Variants in MGAM observed in about 807,000 individuals in gnomAD.
The protein encoded by MGAM is maltase-glucoamylase.
Under a neutral mutation model 358.8 loss-of-function variants are expected in MGAM, and 253 were observed. The observed-to-expected ratio is 0.71, with a 90% CI of 0.64 to 0.78. MGAM has a LOEUF of 0.78. MGAM is among the 30% of genes least tolerant of loss of function. The pLI is 0.00. For missense variants in MGAM, 3,080 were observed against 3,432.6 expected, an observed-to-expected ratio of 0.90 and a Z score of 2.57; for synonymous variants, 1,105 against 1,227.1, an observed-to-expected ratio of 0.90 and a Z score of 2.08.
rs138807287 is a variant in MGAM at position 142,090,371 on chromosome 7, C to T, written c.6811-1542C>T. ...ATTCTCCATCCCCCACCCATCCCGTCGTTTCTAACCCTTCCTGATCTGGAG... is the reference window on the plus strand; with the variant it reads ...ATTCTCCATCCCCCACCCATCCCGTTGTTTCTAACCCTTCCTGATCTGGAG... On this transcript the variant is annotated intron_variant, in intron 57 of 70. Coordinates refer to ENST00000475668, the MANE Select transcript of MGAM (RefSeq NM_001365693.1). Among the ~76,000 whole-genome samples, 909 of 145,534 alleles carry T rather than the reference C, an allele frequency of 6.2e-3. 128 individuals carry two copies. The highest frequency in any genetic ancestry group is 0.01 in the Non-Finnish European group (662 of 64,234).
At position 142,101,671 on chromosome 7, in the gene MGAM, C is replaced by T. The variant is rs535912540; in HGVS notation, c.7963+781C>T. On this transcript the variant is annotated intron_variant, in intron 68 of 70. Transcript: ENST00000475668. Reference sequence around the variant, plus strand: ...CTGTAATCCCAGCACTTTGAGAGGCCGAGGCAGCCGGATCACCTGAGGTTG... The same window carrying T: ...CTGTAATCCCAGCACTTTGAGAGGCTGAGGCAGCCGGATCACCTGAGGTTG... Among the ~76,000 whole-genome samples, 251 of 151,270 alleles carry T rather than the reference C, an allele frequency of 1.7e-3. 2 individuals are homozygous for T. The highest frequency in any genetic ancestry group is 2.7e-3 in the Non-Finnish European group (185 of 67,832).
Position 142,054,387 on chromosome 7 carries a change from T to A in MGAM, c.3160-367T>A, listed in dbSNP as rs151299523. Reference sequence around the variant, plus strand: ...TTCTGATTATTTTAATCAAATAGATTTCATTTTGGGGAGACAGGTTTTTTT... The same window carrying A: ...TTCTGATTATTTTAATCAAATAGATATCATTTTGGGGAGACAGGTTTTTTT... On this transcript the variant is annotated intron_variant, in intron 26 of 70. Coordinates refer to ENST00000475668, the MANE Select transcript of MGAM (RefSeq NM_001365693.1). Among the ~76,000 whole-genome samples the A allele has an allele frequency of 3.0e-3, 458 of 152,316 alleles. 7 individuals carry two copies. Among genetic ancestry groups the A allele is most frequent in the African/African-American group, 0.01 (421 of 41,570 alleles).
intron 70 of MGAM, among the ~76,000 whole-genome samples, chr7:142,105,397 C>T (rs546310097): frequency 3.9e-5 from 6 of 152,060 alleles, no homozygotes; most frequent in African/African-American, 1.2e-4. Flanking sequence ...AAGTGATTCT[C>T]CTGGCTTAGC....
At chr7:142,049,189 T>A (rs1272738327) in intron 22 of MGAM, among the ~76,000 whole-genome samples, 1 of 152,184 alleles carries the variant, frequency 6.6e-6, no homozygotes, top group Non-Finnish European at 1.5e-5. Flanking sequence ...ATGGCAGAAT[T>A]TTCTTCTTTT....
intron 3 of MGAM, among the ~76,000 whole-genome samples, chr7:142,012,239 G>A (rs1554454594): frequency 6.6e-6 from 1 of 152,118 alleles, no homozygotes; most frequent in East Asian, 1.9e-4. Flanking sequence ...CCAAGACTGA[G>A]TAATTTATCA....
rs1437154462 is a variant in MGAM at position 142,082,762 on chromosome 7, C to T, written c.6268+191C>T. Among the ~76,000 whole-genome samples, 5 of 146,110 alleles carry T rather than the reference C, an allele frequency of 3.4e-5. 2 individuals are homozygous for T. Among genetic ancestry groups the T allele is most frequent in the Non-Finnish European group, 7.8e-5 (5 of 64,440 alleles). On this transcript the variant is annotated intron_variant, in intron 52 of 70. Coordinates refer to ENST00000475668, the MANE Select transcript of MGAM (RefSeq NM_001365693.1). ...TATCATGTGATAAGAAGATTTAACCCAACTCTTATTTTGGTAAAAATCACA... is the reference window on the plus strand; with the variant it reads ...TATCATGTGATAAGAAGATTTAACCTAACTCTTATTTTGGTAAAAATCACA...
At chr7:142,053,054 T>C in intron 26 of MGAM, 70 bp downstream of exon 26, 2 of 1,496,152 alleles carry the variant, frequency 1.3e-6, no homozygotes, top group Non-Finnish European at 1.8e-6. Flanking sequence ...TTGGTCTGGA[T>C]CACAGAACCC....
intron 32 of MGAM, 39 bp from the exon 33 acceptor site, chr7:142,059,817 G>T (rs1474547945): frequency 2.5e-6 from 4 of 1,586,390 alleles, no homozygotes; most frequent in Non-Finnish European, 3.4e-6. Flanking sequence ...CTCATTCTCT[G>T]GCTTTGGTTT....
intron 2 of MGAM, 33 bp from the exon 3 acceptor site, chr7:142,008,473 C>A: frequency 2.6e-6 from 4 of 1,565,880 alleles, no homozygotes; most frequent in Non-Finnish European, 2.6e-6. Flanking sequence ...TTAAATTTGT[C>A]TAATGGTCTT....
At chr7:141,989,876 C>T (rs190652661) in intron 2 of MGAM, among the ~76,000 whole-genome samples, 3 of 152,148 alleles carry the variant, frequency 2.0e-5, no homozygotes, top group East Asian at 3.9e-4. Context: ...CCTAATCCAC[C>T]CATAGTTAAT....
At chr7:142,099,305 G>A (rs1816235668) in intron 66 of MGAM, among the ~76,000 whole-genome samples, 1 of 152,164 alleles carries the variant, frequency 6.6e-6, no homozygotes, top group Non-Finnish European at 1.5e-5. Context: ...TTGAGAACAT[G>A]TAGGATGGAA....
chr7:141,990,732 C>T (rs1803909441), intron 2 of MGAM, among the ~76,000 whole-genome samples: 1 of 151,810 alleles, frequency 6.6e-6, no homozygotes, highest in Non-Finnish European at 1.5e-5. Context: ...GCACAATGTG[C>T]AGGTTAGTTA....
Position 142,101,594 on chromosome 7 carries a change from G to C in MGAM, c.7963+704G>C, listed in dbSNP as rs76343617. Among the ~76,000 whole-genome samples the C allele has an allele frequency of 8.1e-3, 1,227 of 151,966 alleles. 30 individuals are homozygous for C. Among genetic ancestry groups the C allele is most frequent in the East Asian group, 0.031 (162 of 5,172 alleles). ...GGGATAGCCAGTGGCAACTGACTGA[G>C]TGGTGAGTCATTTAGAAAAGGGCCA... On this transcript the variant is annotated intron_variant, in intron 68 of 70. Transcript: ENST00000475668.
intron 3 of MGAM, among the ~76,000 whole-genome samples, chr7:142,009,109 T>C (rs1359399720): frequency 1.3e-5 from 2 of 152,162 alleles, no homozygotes; most frequent in African/African-American, 4.8e-5. Context: ...TGTATGTCTC[T>C]CCTCCTTTCA....
intron 2 of MGAM, among the ~76,000 whole-genome samples, 159 bp downstream of exon 2, chr7:142,005,816 T>G (rs1351351181): frequency 2.0e-5 from 3 of 152,054 alleles, no homozygotes; most frequent in African/African-American, 7.2e-5. Context: ...GCTCAGTAGA[T>G]ATTCATTGTA....
chr7:142,021,834 T>C, intron 6 of MGAM, 97 bp downstream of exon 6: 2 of 1,316,972 alleles, frequency 1.5e-6, no homozygotes, highest in South Asian at 1.3e-5. Flanking sequence ...TTCCTGAAGG[T>C]TGTGGGCCCA....
chr7:142,090,996 T>C (rs1377678281), intron 57 of MGAM, among the ~76,000 whole-genome samples: 2 of 146,044 alleles, frequency 1.4e-5, no homozygotes, highest in Non-Finnish European at 3.1e-5. Flanking sequence ...CCTGTTATCC[T>C]ATCACTTTGG....
intron 11 of MGAM, 70 bp from the exon 12 acceptor site, chr7:142,030,571 C>G (rs536385290): frequency 1.2e-6 from 2 of 1,605,004 alleles, no homozygotes; most frequent in East Asian, 2.2e-5. Context: ...CTTTCTCCCC[C>G]AGTTCCCAGT....
Position 142,052,364 on chromosome 7 carries a change from G to T in MGAM, c.2876G>T (p.Arg959Met). 1 of 1,611,904 alleles carries T rather than the reference G, an allele frequency of 6.2e-7. No individual in the cohort carries two copies. The highest frequency in any genetic ancestry group is 1.3e-5 in the African/African-American group (1 of 75,002). The change falls in exon 25 of 71, where the codon AGG becomes ATG. Residue 959 changes from arginine to methionine, a missense_variant. Arg to Met is a moderately conservative substitution (Grantham distance 91). This residue lies in a region of MGAM where 1,816 missense variants were observed against 1,840.5 expected (regional missense o/e 0.99). Coordinates refer to ENST00000475668, the MANE Select transcript of MGAM (RefSeq NM_001365693.1). ...ACAGTGGAATGGAGCATAAAGATAA[G>T]GGATGAAGAAAAAATAGACTGTTAC... ...AYTVEWSIKI[R>M]DEEKIDCYPD...
Sources: allele counts gnomAD v4.1 joint callset (sites outside exome capture counted in the v4.1 genomes callset), GRCh38; gene constraint gnomAD v4.1.1; regional missense constraint gnomAD v4.1.1; transcripts MANE v1.5; gene names NCBI Gene and HGNC (gene_info 2026-07-23, HGNC 2026-07-21).